The following LURAP1L variants were observed in gnomAD, a reference collection of about 807,000 sequenced individuals.
LURAP1L encodes the protein leucine rich adaptor protein 1-like.
Under a neutral mutation model 13.8 loss-of-function variants are expected in LURAP1L, and 12 were observed. That is an observed-to-expected ratio of 0.87 (90% CI 0.56 to 1.41). LURAP1L has a LOEUF of 1.41. LURAP1L is among the 40% of genes most tolerant of loss of function. The pLI, the probability that LURAP1L is intolerant of heterozygous loss-of-function variation, is 0.00. For missense variants in LURAP1L, 375 were observed against 292.9 expected (o/e 1.28, Z -2.04); for synonymous variants, 139 against 119.2 (o/e 1.17, Z -1.08).
chr9:12,801,371 G>A (rs921454759), intron 1 of LURAP1L, among the ~76,000 whole-genome samples: 2 of 151,810 alleles, frequency 1.3e-5, no homozygotes, highest in Non-Finnish European at 2.9e-5. Flanking sequence ...TTGTGAATGA[G>A]GAATTAGAGA....
intron 1 of LURAP1L, among the ~76,000 whole-genome samples, chr9:12,790,966 C>G (rs1482928740): frequency 1.3e-5 from 2 of 151,994 alleles, no homozygotes; most frequent in African/African-American, 2.4e-5. Flanking sequence ...AATTCGGTAG[C>G]CTAATTTATT....
rs927888592 is a variant in LURAP1L at position 12,817,159 on chromosome 9, T to G, written c.313-4227T>G. Among the ~76,000 whole-genome samples the G allele has an allele frequency of 2.0e-5, 3 of 152,344 alleles. No homozygotes were observed. The South Asian group carries it at 6.2e-4, about 32-fold the overall frequency. On this transcript the variant is annotated intron_variant, in intron 1 of 1. Transcript: ENST00000319264. ...TCGGTGTTTGAATCTGGAGAAGGAATAGAAGGCATTATCTGCTGGGAACGC... is the reference window on the plus strand; with the variant it reads ...TCGGTGTTTGAATCTGGAGAAGGAAGAGAAGGCATTATCTGCTGGGAACGC...
rs544069305 is a variant in LURAP1L at position 12,778,720 on chromosome 9, A to G, written c.312+2693A>G. Among the ~76,000 whole-genome samples the G allele has an allele frequency of 5.8e-4, 88 of 152,230 alleles. 1 individual carries two copies. Among genetic ancestry groups the G allele is most frequent in the Non-Finnish European group, 1.0e-3 (70 of 68,034 alleles). On this transcript the variant is annotated intron_variant, in intron 1 of 1. Coordinates refer to ENST00000319264, the MANE Select transcript of LURAP1L (RefSeq NM_203403.2). ...TTCCCTAGCTTCAGTTCAACTGGAA[A>G]TCTTGATTTTTATTTTAAATTTAAC...
intron 1 of LURAP1L, among the ~76,000 whole-genome samples, chr9:12,801,407 A>G (rs1009685300): frequency 2.0e-5 from 3 of 151,996 alleles, no homozygotes; most frequent in Non-Finnish European, 4.4e-5. Flanking sequence ...TCCATACCCC[A>G]GTTCCTTATT....
intron 1 of LURAP1L, 112 bp downstream of exon 1, chr9:12,776,139 T>C: frequency 1.8e-6 from 2 of 1,102,702 alleles, no homozygotes; most frequent in Non-Finnish European, 2.6e-6. Context: ...AGCGGAGCGC[T>C]GGGCGCGTGG....
chr9:12,808,285 T>G (rs558313511), intron 1 of LURAP1L, among the ~76,000 whole-genome samples: 1 of 152,280 alleles, frequency 6.6e-6, no homozygotes, highest in Non-Finnish European at 1.5e-5. Flanking sequence ...TCCATTTTTG[T>G]TGGTCTCAGA....
At chr9:12,819,312 T>A (rs572210322) in intron 1 of LURAP1L, among the ~76,000 whole-genome samples, 9 of 152,210 alleles carry the variant, frequency 5.9e-5, no homozygotes, top group Non-Finnish European at 1.0e-4. Context: ...TTTTTTGTAT[T>A]CATAGATATA....
At chr9:12,808,716 C>A (rs1554659055) in intron 1 of LURAP1L, among the ~76,000 whole-genome samples, 1 of 152,064 alleles carries the variant, frequency 6.6e-6, no homozygotes, top group Non-Finnish European at 1.5e-5. Flanking sequence ...ATTTATCCTC[C>A]TAGATGTTCT....
In LURAP1L at chr9:12,775,470, T is replaced by G; in HGVS notation, c.-246T>G. 1 of 474,550 alleles carries G rather than the reference T, an allele frequency of 2.1e-6. No individual in the cohort carries two copies. Among genetic ancestry groups the G allele is most frequent in the Non-Finnish European group, 3.6e-6 (1 of 279,532 alleles). 29.4% of individuals were successfully genotyped at this position (474,550 alleles called of 1,614,324 possible). ...GCCAAAAAGAGAGAGAATGAGGAGATCTTGATCATCTTAGTGTCGGAGGAG... is the reference window on the plus strand; with the variant it reads ...GCCAAAAAGAGAGAGAATGAGGAGAGCTTGATCATCTTAGTGTCGGAGGAG... On this transcript the variant is annotated 5_prime_UTR_variant, in exon 1 of 2. Transcript: ENST00000319264.
intron 1 of LURAP1L, among the ~76,000 whole-genome samples, chr9:12,789,083 A>AC (rs200716131): frequency 0.021 from 2,699 of 129,720 alleles, 81 homozygotes; most frequent in African/African-American, 0.08. Context: ...CTCCCCCAGC[A>AC]CCCCCCCAAA....
intron 1 of LURAP1L, among the ~76,000 whole-genome samples, chr9:12,795,686 C>T (rs1819502848): frequency 6.6e-6 from 1 of 152,028 alleles, no homozygotes; most frequent in Non-Finnish European, 1.5e-5. Flanking sequence ...AACACGACCA[C>T]TTGTAGTTGT....
chr9:12,814,647 A>T (rs1178895486), intron 1 of LURAP1L, among the ~76,000 whole-genome samples: 1 of 152,208 alleles, frequency 6.6e-6, no homozygotes, highest in Non-Finnish European at 1.5e-5. Context: ...TGGTGGCCGG[A>T]ATTTATGCTT....
At chr9:12,805,973 A>G (rs1312915052) in intron 1 of LURAP1L, among the ~76,000 whole-genome samples, 1 of 152,160 alleles carries the variant, frequency 6.6e-6, no homozygotes, top group Non-Finnish European at 1.5e-5. Flanking sequence ...AGAAAAGAAA[A>G]ACAGAATCAG....
At chr9:12,780,292 G>T (rs1378356835) in intron 1 of LURAP1L, among the ~76,000 whole-genome samples, 1 of 152,158 alleles carries the variant, frequency 6.6e-6, no homozygotes, top group Non-Finnish European at 1.5e-5. Context: ...GCACTGTGTG[G>T]TGACTTGCCA....
intron 1 of LURAP1L, among the ~76,000 whole-genome samples, chr9:12,789,192 C>A (rs972852074): frequency 6.6e-6 from 1 of 151,312 alleles, no homozygotes; most frequent in Admixed American, 6.6e-5. Flanking sequence ...ATTCAAGGAA[C>A]CACAACTCTG....
chr9:12,798,090 T>C (rs1277704371), intron 1 of LURAP1L, among the ~76,000 whole-genome samples: 1 of 152,216 alleles, frequency 6.6e-6, no homozygotes, highest in African/African-American at 2.4e-5. Flanking sequence ...TTTTTATTTC[T>C]AGTTTACAAT....
chr9:12,801,648 G>A (rs1053031515), intron 1 of LURAP1L, among the ~76,000 whole-genome samples: 3 of 152,046 alleles, frequency 2.0e-5, no homozygotes, highest in Non-Finnish European at 2.9e-5. Flanking sequence ...ATTAAACTTG[G>A]GAATGAGTTT....
At chr9:12,818,899 T>C (rs1356182918) in intron 1 of LURAP1L, among the ~76,000 whole-genome samples, 6 of 152,314 alleles carry the variant, frequency 3.9e-5, no homozygotes, top group African/African-American at 1.4e-4. Flanking sequence ...TACAGATGCC[T>C]GCTGAATGAT....
chr9:12,800,811 C>G (rs1446646942), intron 1 of LURAP1L, among the ~76,000 whole-genome samples: 1 of 152,056 alleles, frequency 6.6e-6, no homozygotes, highest in Non-Finnish European at 1.5e-5. Flanking sequence ...ATGAGCTGAA[C>G]AAAACTCTTT....
Sources: allele counts gnomAD v4.1 joint callset (sites outside exome capture counted in the v4.1 genomes callset), GRCh38; gene constraint gnomAD v4.1.1; transcripts MANE v1.5; gene names NCBI Gene and HGNC (gene_info 2026-07-23, HGNC 2026-07-21).